IMMP2L: variants seen among roughly 807,000 people sequenced by gnomAD.
IMMP2L encodes mitochondrial inner membrane protease subunit 2.
A neutral mutation model predicts 19.3 loss-of-function variants in IMMP2L; 18 were observed. That is an observed-to-expected ratio of 0.93 (90% CI 0.64 to 1.38). The LOEUF is 1.38. IMMP2L is among the 40% of genes most tolerant of loss of function. IMMP2L has a pLI of 0.00. For missense variants in IMMP2L, 233 were observed against 218.2 expected (o/e 1.07, Z -0.43); for synonymous variants, 76 against 73.0 (o/e 1.04, Z -0.21).
At chr7:111,543,655 TC>T (rs1014114927) in intron 1 of IMMP2L, among the ~76,000 whole-genome samples, 16 of 152,278 alleles carry the variant, frequency 1.1e-4, no homozygotes, top group African/African-American at 3.9e-4. Context: ...TATTTTCTGA[TC>T]CAATCACATC....
intron 1 of IMMP2L, among the ~76,000 whole-genome samples, chr7:111,561,485 T>C (rs1257421007): frequency 1.3e-5 from 2 of 152,256 alleles, no homozygotes; most frequent in South Asian, 2.1e-4. Flanking sequence ...CTGGATTCTT[T>C]AGTGCTATGG....
intron 5 of IMMP2L, among the ~76,000 whole-genome samples, chr7:110,786,106 G>A (rs998361808): frequency 1.3e-5 from 2 of 151,802 alleles, no homozygotes; most frequent in African/African-American, 4.8e-5. Flanking sequence ...ATATTATAAA[G>A]AGTCTTTTAA....
chr7:110,813,641 G>C (rs1295034955), intron 5 of IMMP2L, among the ~76,000 whole-genome samples: 1 of 151,770 alleles, frequency 6.6e-6, no homozygotes, highest in African/African-American at 2.4e-5. Flanking sequence ...TCAAAGTCAG[G>C]CTACCAGAGG....
chr7:111,073,869 T>C (rs1238587677), intron 3 of IMMP2L, among the ~76,000 whole-genome samples: 3 of 152,222 alleles, frequency 2.0e-5, no homozygotes, highest in Admixed American at 2.0e-4. Flanking sequence ...GTCTTTGTTG[T>C]AGGGAAATTT....
intron 1 of IMMP2L, among the ~76,000 whole-genome samples, chr7:111,556,408 TA>T (rs2133154621): frequency 6.6e-6 from 1 of 152,200 alleles, no homozygotes; most frequent in Admixed American, 6.5e-5. Flanking sequence ...CATAACATGT[TA>T]TTTTCCTTAA....
At chr7:110,820,048 A>T (rs938664258) in intron 5 of IMMP2L, among the ~76,000 whole-genome samples, 1 of 152,012 alleles carries the variant, frequency 6.6e-6, no homozygotes, top group African/African-American at 2.4e-5. Flanking sequence ...TTTTATTTGG[A>T]ACCACTTATT....
chr7:110,780,805 A>AAACGC (rs10651053), intron 5 of IMMP2L, among the ~76,000 whole-genome samples: 1 of 151,852 alleles, frequency 6.6e-6, no homozygotes, highest in Non-Finnish European at 1.5e-5. Context: ...TGCCTTTGCT[A>AAACGC]CTCTACTTCC....
chr7:110,678,196 T>C lies in IMMP2L; in HGVS notation c.409-14475A>G, dbSNP rs193170403. ...TAGCAAAATCTGACCTGACCTGAGCTGCTATAAAATTGTAGTCTATTTATC... is the reference window on the plus strand; with the variant it reads ...TAGCAAAATCTGACCTGACCTGAGCCGCTATAAAATTGTAGTCTATTTATC... On this transcript the variant is annotated intron_variant, in intron 5 of 5. Coordinates refer to ENST00000405709, the MANE Select transcript of IMMP2L (RefSeq NM_032549.4). Among the ~76,000 whole-genome samples the C allele has an allele frequency of 1.4e-3, 216 of 152,218 alleles. 2 individuals are homozygous for C. The highest frequency in any genetic ancestry group is 5.0e-3 in the African/African-American group (207 of 41,518).
chr7:110,909,890 GAGAGAGAGAGAGAGAGAA>G (rs1461929261), intron 4 of IMMP2L, among the ~76,000 whole-genome samples: 1 of 148,876 alleles, frequency 6.7e-6, no homozygotes, highest in East Asian at 2.0e-4. Context: ...TTAAACAGAG[GAGAGAGAGAGAGAGAGAA>G]AGAGAGAGAG....
chr7:111,071,792 G>A (rs1453400116), intron 3 of IMMP2L, among the ~76,000 whole-genome samples: 1 of 152,094 alleles, frequency 6.6e-6, no homozygotes, highest in African/African-American at 2.4e-5. Flanking sequence ...AAAACACTTT[G>A]TAACTTGATA....
intron 3 of IMMP2L, among the ~76,000 whole-genome samples, chr7:111,220,084 T>C (rs949391292): frequency 6.6e-6 from 1 of 152,024 alleles, no homozygotes. Context: ...GCAAAAGTAA[T>C]TGCAATGTTT....
intron 5 of IMMP2L, among the ~76,000 whole-genome samples, chr7:110,723,708 T>C (rs1795716283): frequency 6.6e-6 from 1 of 152,176 alleles, no homozygotes; most frequent in Non-Finnish European, 1.5e-5. Flanking sequence ...CTTTATTTTA[T>C]ATCCTCTGGT....
chr7:110,971,758 G>A (rs1481118666), intron 3 of IMMP2L, among the ~76,000 whole-genome samples: 1 of 152,082 alleles, frequency 6.6e-6, no homozygotes, highest in Non-Finnish European at 1.5e-5. Flanking sequence ...TTTATGGCCT[G>A]AAAATTTGTA....
intron 3 of IMMP2L, among the ~76,000 whole-genome samples, chr7:111,126,069 C>T (rs1451471431): frequency 1.3e-5 from 2 of 151,974 alleles, no homozygotes; most frequent in East Asian, 1.9e-4. Context: ...ATGATCTGCC[C>T]ACCTCGGTGC....
rs540189220 is a variant in IMMP2L at position 111,305,074 on chromosome 7, CT to C, written c.239+182163del. On this transcript the variant is annotated intron_variant, in intron 3 of 5. Coordinates refer to ENST00000405709, the MANE Select transcript of IMMP2L (RefSeq NM_032549.4). ...AAGTGTATGAATAGAGAAACTTTGTCTTGTTTTTTTGATGAGGTAGGTTGTT... is the reference window on the plus strand; with the variant it reads ...AAGTGTATGAATAGAGAAACTTTGTCTGTTTTTTTGATGAGGTAGGTTGTT... Among the ~76,000 whole-genome samples the C allele has an allele frequency of 2.6e-3, 390 of 151,942 alleles. 2 individuals carry two copies. Among genetic ancestry groups the C allele is most frequent in the Non-Finnish European group, 4.1e-3 (276 of 67,972 alleles).
intron 5 of IMMP2L, among the ~76,000 whole-genome samples, chr7:110,776,082 A>C (rs925634155): frequency 6.6e-6 from 1 of 152,086 alleles, no homozygotes; most frequent in Non-Finnish European, 1.5e-5. Flanking sequence ...AAAATAATTC[A>C]TAATAAACAG....
At chr7:110,790,723 G>T (rs1584839479) in intron 5 of IMMP2L, among the ~76,000 whole-genome samples, 1 of 151,800 alleles carries the variant, frequency 6.6e-6, no homozygotes, top group Non-Finnish European at 1.5e-5. Context: ...TTAATATGAT[G>T]AATTCAGAGC....
At chr7:111,041,189 T>A (rs1791861603) in intron 3 of IMMP2L, among the ~76,000 whole-genome samples, 1 of 152,016 alleles carries the variant, frequency 6.6e-6, no homozygotes, top group African/African-American at 2.4e-5. Context: ...ATTTTTGAAA[T>A]TTTTTCATTA....
chr7:111,507,330 T>G (rs1414885222), intron 2 of IMMP2L, among the ~76,000 whole-genome samples: 1 of 152,224 alleles, frequency 6.6e-6, no homozygotes, highest in Non-Finnish European at 1.5e-5. Flanking sequence ...TTCCCATATC[T>G]TATATAAAGC....
Sources: allele counts gnomAD v4.1 joint callset (sites outside exome capture counted in the v4.1 genomes callset), GRCh38; gene constraint gnomAD v4.1.1; transcripts MANE v1.5; gene names NCBI Gene and HGNC (gene_info 2026-07-23, HGNC 2026-07-21).